KHDRBS2: variants seen among roughly 807,000 people sequenced by gnomAD.
KHDRBS2 encodes the protein KH RNA binding domain containing, signal transduction associated 2, also known as KH domain-containing, RNA-binding, signal transduction-associated protein 2.
In KHDRBS2, 26 loss-of-function variants were observed where a neutral mutation model predicts 44.3. That is an observed-to-expected ratio of 0.59 (90% confidence interval 0.43 to 0.81). The LOEUF is 0.81. Among genes scored for constraint, KHDRBS2 ranks in the 40% least tolerant of loss-of-function variants. The probability of loss-of-function intolerance (pLI) is 0.00; values close to 1 mark genes in which losing one functional copy is unlikely to be tolerated. For synonymous variants in KHDRBS2, 194 were observed against 151.1 expected (o/e 1.28, Z -2.08); for missense variants, 476 against 433.1 (o/e 1.10, Z -0.88).
intron 6 of KHDRBS2, among the ~76,000 whole-genome samples, chr6:61,884,118 C>T (rs1017298499): frequency 6.6e-6 from 1 of 152,056 alleles, no homozygotes; most frequent in Non-Finnish European, 1.5e-5. Context: ...GGTTGGCAGC[C>T]TGAACTCATT....
chr6:62,171,399 A>C (rs182888689), intron 2 of KHDRBS2, among the ~76,000 whole-genome samples: 14 of 152,258 alleles, frequency 9.2e-5, no homozygotes, highest in Admixed American at 9.2e-4. Flanking sequence ...AAAAGAATAA[A>C]CAAATATGAA....
At position 62,020,292 on chromosome 6, in the gene KHDRBS2, T is replaced by A. The variant is rs971288643; in HGVS notation, c.336+27586A>T. ...ATTTATTTGCTTATTGATTCCTAAT[T>A]TATGTGGTCAGACAATATCCTTTTA... is the stretch of plus-strand genomic sequence containing the variant. On this transcript the variant is annotated intron_variant, in intron 3 of 8. Coordinates refer to ENST00000281156, the MANE Select transcript of KHDRBS2 (RefSeq NM_152688.4). Among the ~76,000 whole-genome samples the A allele has an allele frequency of 5.1e-4, 78 of 152,180 alleles. 1 individual carries two copies. Among genetic ancestry groups the A allele is most frequent in the African/African-American group, 1.9e-3 (77 of 41,558 alleles).
chr6:61,669,992 C>T, the KHDRBS2 span, among the ~76,000 whole-genome samples: 1 of 150,920 alleles, frequency 6.6e-6, no homozygotes, highest in Non-Finnish European at 1.5e-5. Flanking sequence ...AAATAACAAA[C>T]AGCTGAAGAA....
intron 2 of KHDRBS2, among the ~76,000 whole-genome samples, chr6:62,106,047 T>C (rs1772008193): frequency 6.6e-6 from 1 of 152,202 alleles, no homozygotes; most frequent in Admixed American, 6.5e-5. Flanking sequence ...CCAGTAGTCA[T>C]TCAGGAGCAG....
At chr6:62,068,620 T>A (rs79082422) in intron 2 of KHDRBS2, among the ~76,000 whole-genome samples, 7 of 151,614 alleles carry the variant, frequency 4.6e-5, no homozygotes, top group Non-Finnish European at 1.0e-4. Context: ...AAGAATCATA[T>A]AGTTTTAACT....
At chr6:62,168,460 G>A (rs1042119712) in intron 2 of KHDRBS2, among the ~76,000 whole-genome samples, 5 of 152,218 alleles carry the variant, frequency 3.3e-5, no homozygotes, top group East Asian at 1.9e-4. Flanking sequence ...AGAGGAAGCC[G>A]CACATTCCAG....
At chr6:62,093,538 T>C (rs941006648) in intron 2 of KHDRBS2, among the ~76,000 whole-genome samples, 1 of 151,992 alleles carries the variant, frequency 6.6e-6, no homozygotes, top group Non-Finnish European at 1.5e-5. Flanking sequence ...ACACTGTATT[T>C]AACAATACAT....
intron 6 of KHDRBS2, among the ~76,000 whole-genome samples, chr6:61,855,125 G>A (rs1444360023): frequency 2.6e-5 from 4 of 152,064 alleles, no homozygotes; most frequent in African/African-American, 4.8e-5. Flanking sequence ...ATTTTTGGGG[G>A]AAGGAGTGTT....
At chr6:61,677,518 C>T (rs1173469087), downstream of KHDRBS2, among the ~76,000 whole-genome samples, 1 of 151,828 alleles carries the variant, frequency 6.6e-6, no homozygotes, top group Non-Finnish European at 1.5e-5. Flanking sequence ...GAAAAGCTGT[C>T]TCAGGTGAAG....
chr6:61,606,959 A>C, the KHDRBS2 span, among the ~76,000 whole-genome samples: 1 of 152,218 alleles, frequency 6.6e-6, no homozygotes, highest in Non-Finnish European at 1.5e-5. Flanking sequence ...GTGATCAAAT[A>C]GTCAAGAATC....
chr6:61,926,266 G>A (rs556373534), intron 4 of KHDRBS2, among the ~76,000 whole-genome samples: 1 of 152,086 alleles, frequency 6.6e-6, no homozygotes, highest in African/African-American at 2.4e-5. Flanking sequence ...TTTTAGATGA[G>A]TGGTGTATAG....
At chr6:61,881,863 C>T (rs1043862608) in intron 6 of KHDRBS2, among the ~76,000 whole-genome samples, 52 of 151,948 alleles carry the variant, frequency 3.4e-4, no homozygotes, top group African/African-American at 1.2e-3. Context: ...TTGGCTGGGG[C>T]ACCAGTTACT....
chr6:62,239,847 G>A (rs1187052260), intron 1 of KHDRBS2, among the ~76,000 whole-genome samples: 2 of 151,672 alleles, frequency 1.3e-5, no homozygotes, highest in Non-Finnish European at 2.9e-5. Context: ...CACCATGCCC[G>A]ACCAATTTTT....
chr6:62,076,489 A>G (rs1445355622), intron 2 of KHDRBS2, among the ~76,000 whole-genome samples: 2 of 152,060 alleles, frequency 1.3e-5, no homozygotes, highest in African/African-American at 4.8e-5. Flanking sequence ...TGTGTAAATC[A>G]GTAGATAATG....
At chr6:61,746,516 A>G (rs972280773) in intron 6 of KHDRBS2, among the ~76,000 whole-genome samples, 1 of 152,066 alleles carries the variant, frequency 6.6e-6, no homozygotes, top group African/African-American at 2.4e-5. Context: ...ATAGTATTCT[A>G]TGGTGTATAC....
At chr6:62,093,207 C>G (rs1352638621) in intron 2 of KHDRBS2, among the ~76,000 whole-genome samples, 1 of 150,690 alleles carries the variant, frequency 6.6e-6, no homozygotes, top group African/African-American at 2.4e-5. Context: ...GAGAAATTAT[C>G]CTGACCTTAG....
the KHDRBS2 span, among the ~76,000 whole-genome samples, chr6:61,631,701 G>A: frequency 3.9e-5 from 6 of 152,134 alleles, no homozygotes; most frequent in Non-Finnish European, 8.8e-5. Context: ...CAGATGGAAA[G>A]GGGATTGGAA....
chr6:62,285,975 C>T lies in KHDRBS2; in HGVS notation c.-27G>A. 6.8e-7 allele frequency: 1 copy of T among 1,479,376 alleles called. No homozygotes were observed. The highest frequency in any genetic ancestry group is 9.4e-7 in the Non-Finnish European group (1 of 1,062,390). 91.6% of individuals were successfully genotyped at this position (1,479,376 alleles called of 1,614,324 possible). A position where few individuals can be genotyped will look rare whatever the true frequency, so the allele number is the denominator to read the frequency against. On this transcript the variant is annotated 5_prime_UTR_variant, in exon 1 of 9. Transcript: ENST00000281156. ...GCGCGGACTTCGGATTGTCCCCGGG[C>T]GAAGCGCGAGGTTCCGCTCGCTCGG...
chr6:62,147,779 C>T (rs192120825), intron 2 of KHDRBS2, among the ~76,000 whole-genome samples: 1 of 152,070 alleles, frequency 6.6e-6, no homozygotes, highest in Admixed American at 6.5e-5. Context: ...ACAGCAGTAT[C>T]TTTTTCTCTT....
Sources: gnomAD v4.1 joint callset for allele counts (sites outside exome capture counted in the v4.1 genomes callset) on GRCh38, gnomAD v4.1.1 for gene constraint, MANE v1.5 for transcripts, NCBI Gene and HGNC (gene_info 2026-07-23, HGNC 2026-07-21) for gene names.